LDLRAD3: variants seen among roughly 807,000 people sequenced by gnomAD.
LDLRAD3 encodes the protein low density lipoprotein receptor class A domain containing 3, also known as low-density lipoprotein receptor class A domain-containing protein 3.
LDLRAD3 carries 20 observed loss-of-function variants against 29.4 expected under a neutral mutation model. The ratio of observed to expected loss-of-function variants is 0.68; its 90% confidence interval spans 0.48 to 0.99. LDLRAD3 has a LOEUF of 0.99. Among genes scored for constraint, LDLRAD3 ranks in the 50% least tolerant of loss-of-function variants. LDLRAD3 has a pLI of 0.00. For missense variants in LDLRAD3, 420 were observed against 454.3 expected (o/e 0.92, Z 0.69); for synonymous variants, 157 against 192.7 (o/e 0.81, Z 1.53).
intron 1 of LDLRAD3, among the ~76,000 whole-genome samples, chr11:35,982,914 C>T (rs916764495): frequency 1.1e-4 from 15 of 141,550 alleles, no homozygotes; most frequent in African/African-American, 3.7e-4. Context: ...AGTGCGGTGT[C>T]GCAATCTCAA....
At chr11:36,017,298 C>G (rs1852035564) in intron 1 of LDLRAD3, among the ~76,000 whole-genome samples, 1 of 152,156 alleles carries the variant, frequency 6.6e-6, no homozygotes, top group South Asian at 2.1e-4. Context: ...ATTTTTCTGC[C>G]AAAGCTTTGG....
chr11:36,114,757 G>A (rs1853651657), intron 4 of LDLRAD3, among the ~76,000 whole-genome samples: 1 of 152,084 alleles, frequency 6.6e-6, no homozygotes, highest in African/African-American at 2.4e-5. Flanking sequence ...TGTATTTGTG[G>A]GGACGTGACT....
chr11:36,057,445 G>C (rs781686878), intron 2 of LDLRAD3, among the ~76,000 whole-genome samples: 4 of 152,144 alleles, frequency 2.6e-5, no homozygotes, highest in Non-Finnish European at 5.9e-5. Context: ...ACTGGCTCTT[G>C]TTCCTTCTCC....
At chr11:36,123,615 T>C (rs1231972532) in intron 4 of LDLRAD3, among the ~76,000 whole-genome samples, 1 of 152,242 alleles carries the variant, frequency 6.6e-6, no homozygotes, top group Non-Finnish European at 1.5e-5. Flanking sequence ...CATGGCCAAG[T>C]GCACGGGTGT....
chr11:36,060,439 A>C (rs538953861), intron 2 of LDLRAD3, among the ~76,000 whole-genome samples: 1 of 152,084 alleles, frequency 6.6e-6, no homozygotes, highest in Non-Finnish European at 1.5e-5. Context: ...GCTGGGGTTT[A>C]ACTTAAGTGG....
intron 1 of LDLRAD3, among the ~76,000 whole-genome samples, chr11:36,003,329 C>T (rs1477694960): frequency 1.3e-5 from 2 of 152,156 alleles, no homozygotes; most frequent in African/African-American, 4.8e-5. Flanking sequence ...ACAGATTTTG[C>T]CACTGTGAAT....
At chr11:36,069,152 G>A (rs1286454790) in intron 2 of LDLRAD3, among the ~76,000 whole-genome samples, 2 of 152,182 alleles carry the variant, frequency 1.3e-5, no homozygotes, top group Admixed American at 6.5e-5. Context: ...AGGACTTTTT[G>A]CTCAAGCCAT....
intron 4 of LDLRAD3, among the ~76,000 whole-genome samples, chr11:36,176,144 T>C (rs1854672488): frequency 6.6e-6 from 1 of 152,216 alleles, no homozygotes; most frequent in Admixed American, 6.5e-5. Context: ...TCCATTTGCA[T>C]AGACTGTCTT....
Position 36,213,071 on chromosome 11 carries a change from C to T in LDLRAD3, c.455-14014C>T, listed in dbSNP as rs1020609403. On this transcript the variant is annotated intron_variant, in intron 4 of 5. Transcript: ENST00000315571. The surrounding 1 kb of genome is among the most constrained non-coding windows in gnomAD (Gnocchi z 4.1). The stretch of plus-strand genomic sequence containing the variant: ...CCCACCCCTCTCTTTCTCTCCCCCT[C>T]GCTCCCTCCCTCTCTCCCTCCCTGT... Among the ~76,000 whole-genome samples, 1 of 149,818 alleles carries T rather than the reference C, an allele frequency of 6.7e-6. No individual in the cohort carries two copies. Among genetic ancestry groups the T allele is most frequent in the Non-Finnish European group, 1.5e-5 (1 of 67,522 alleles).
chr11:35,984,458 A>C (rs2133160448), intron 1 of LDLRAD3, among the ~76,000 whole-genome samples: 1 of 152,282 alleles, frequency 6.6e-6, no homozygotes, highest in Non-Finnish European at 1.5e-5. Context: ...GCAGCAAGTG[A>C]CTTTTCAGCA....
chr11:36,083,611 T>A (rs143791463), intron 3 of LDLRAD3, among the ~76,000 whole-genome samples: 9 of 152,276 alleles, frequency 5.9e-5, no homozygotes, highest in African/African-American at 1.9e-4. Context: ...TACTAGGATT[T>A]TGCCTTTGAT....
At chr11:36,153,890 G>A (rs1282978303) in intron 4 of LDLRAD3, among the ~76,000 whole-genome samples, 2 of 152,060 alleles carry the variant, frequency 1.3e-5, no homozygotes, top group Non-Finnish European at 2.9e-5. Context: ...CAAGAGGTAG[G>A]CGGGCCATGG....
intron 4 of LDLRAD3, among the ~76,000 whole-genome samples, chr11:36,139,252 C>T (rs866835009): frequency 5.9e-5 from 9 of 152,334 alleles, no homozygotes; most frequent in Middle Eastern, 3.4e-3. Context: ...TAAGACCTTG[C>T]CAAATGTCCC....
intron 4 of LDLRAD3, among the ~76,000 whole-genome samples, chr11:36,106,769 TC>T (rs1267094645): frequency 1.3e-5 from 2 of 152,112 alleles, no homozygotes; most frequent in African/African-American, 4.8e-5. Context: ...CCATATGGGG[TC>T]TGTGATAGAC....
At chr11:36,015,530 G>A (rs953617820) in intron 1 of LDLRAD3, among the ~76,000 whole-genome samples, 7 of 151,972 alleles carry the variant, frequency 4.6e-5, no homozygotes, top group African/African-American at 7.3e-5. Context: ...ACCGAAGAGC[G>A]CGCAGATGTT....
intron 4 of LDLRAD3, among the ~76,000 whole-genome samples, chr11:36,149,266 G>A (rs1484269141): frequency 6.6e-6 from 1 of 152,214 alleles, no homozygotes; most frequent in Non-Finnish European, 1.5e-5. Flanking sequence ...TCAGGGGATG[G>A]TCAGATGCCT....
intron 1 of LDLRAD3, among the ~76,000 whole-genome samples, chr11:36,029,088 C>T (rs887667534): frequency 3.9e-5 from 6 of 151,990 alleles, no homozygotes; most frequent in Non-Finnish European, 7.4e-5. Context: ...ACTAAAAATA[C>T]AAAAAAATTA....
At chr11:36,121,437 GA>G (rs1207984307) in intron 4 of LDLRAD3, among the ~76,000 whole-genome samples, 1 of 152,048 alleles carries the variant, frequency 6.6e-6, no homozygotes, top group Non-Finnish European at 1.5e-5. Context: ...ACAGTCTGAG[GA>G]AAGTATGGAA....
chr11:35,997,466 C>G (rs1851769630), intron 1 of LDLRAD3: 1 of 393,042 alleles, frequency 2.5e-6, no homozygotes, highest in Admixed American at 2.8e-5. Flanking sequence ...GATGGTACCA[C>G]CTCACTCTGG....
Sources: gnomAD v4.1 joint callset for allele counts (sites outside exome capture counted in the v4.1 genomes callset) on GRCh38, gnomAD v4.1.1 for gene constraint, Gnocchi (gnomAD v3.1) non-coding constraint, MANE v1.5 for transcripts, NCBI Gene and HGNC (gene_info 2026-07-23, HGNC 2026-07-21) for gene names.